The following ADGRL3 variants were observed in gnomAD, a reference collection of about 807,000 sequenced individuals.
ADGRL3 encodes adhesion G protein-coupled receptor L3.
Under a neutral mutation model 153.5 loss-of-function variants are expected in ADGRL3, and 62 were observed. The observed-to-expected ratio is 0.40, with a 90% CI of 0.33 to 0.50. ADGRL3 has a LOEUF of 0.50. ADGRL3 is among the 20% of genes least tolerant of loss of function. The pLI, the probability that ADGRL3 is intolerant of heterozygous loss-of-function variation, is 0.47. For synonymous variants in ADGRL3, 710 were observed against 672.5 expected, an observed-to-expected ratio of 1.06 and a Z score of -0.86; for missense variants, 1,641 against 1,859.4, an observed-to-expected ratio of 0.88 and a Z score of 2.16.
At chr4:61,632,336 G>T (rs1346963694) in intron 5 of ADGRL3, among the ~76,000 whole-genome samples, 4 of 152,124 alleles carry the variant, frequency 2.6e-5, no homozygotes, top group Non-Finnish European at 5.9e-5. Flanking sequence ...ATATCTTACT[G>T]AGTCTTTAAA....
chr4:61,809,748 A>G (rs1444441425), intron 8 of ADGRL3, among the ~76,000 whole-genome samples: 1 of 152,014 alleles, frequency 6.6e-6, no homozygotes, highest in African/African-American at 2.4e-5. Context: ...TGTTTTATGT[A>G]TGCCAAACAC....
intron 9 of ADGRL3, among the ~76,000 whole-genome samples, chr4:61,861,860 C>T (rs952511538): frequency 1.3e-4 from 20 of 152,050 alleles, no homozygotes; most frequent in East Asian, 2.0e-4. Flanking sequence ...CCCGCCCTAC[C>T]TGGAACTGAC....
intron 2 of ADGRL3, among the ~76,000 whole-genome samples, chr4:61,400,412 G>T (rs115162001): frequency 6.6e-6 from 1 of 151,628 alleles, no homozygotes; most frequent in African/African-American, 2.4e-5. Flanking sequence ...AAGAAGAAAA[G>T]CGATGTACTT....
intron 5 of ADGRL3, among the ~76,000 whole-genome samples, chr4:61,664,823 G>A (rs879606306): frequency 2.6e-5 from 4 of 152,118 alleles, no homozygotes; most frequent in Non-Finnish European, 5.9e-5. Flanking sequence ...GGGAACTTGA[G>A]AGAATGTTGT....
At chr4:61,633,936 A>G (rs1231504663) in intron 5 of ADGRL3, among the ~76,000 whole-genome samples, 2 of 147,442 alleles carry the variant, frequency 1.4e-5, no homozygotes. Context: ...GAGAAAGTCA[A>G]TTGGATTGTG....
chr4:61,780,731 G>C (rs534023775), intron 8 of ADGRL3, among the ~76,000 whole-genome samples: 1 of 152,172 alleles, frequency 6.6e-6, no homozygotes. Flanking sequence ...CTTTCTGACT[G>C]TGTTAATTTA....
intron 1 of ADGRL3, among the ~76,000 whole-genome samples, chr4:61,230,086 A>G (rs1749925341): frequency 6.6e-6 from 1 of 152,160 alleles, no homozygotes; most frequent in African/African-American, 2.4e-5. Flanking sequence ...TTATAGGGTC[A>G]CCCTAGCTAC....
chr4:61,275,128 A>T (rs1290685676), intron 1 of ADGRL3, among the ~76,000 whole-genome samples: 2 of 152,178 alleles, frequency 1.3e-5, no homozygotes, highest in African/African-American at 4.8e-5. Flanking sequence ...TCAACCTGCT[A>T]TACTGCCCCA....
At chr4:61,565,900 A>G (rs942429196) in intron 4 of ADGRL3, among the ~76,000 whole-genome samples, 1 of 152,174 alleles carries the variant, frequency 6.6e-6, no homozygotes, top group South Asian at 2.1e-4. Flanking sequence ...TTTCCACCCT[A>G]ATTTTCTTGG....
chr4:61,422,376 T>G (rs188749592), intron 2 of ADGRL3, among the ~76,000 whole-genome samples: 1 of 152,176 alleles, frequency 6.6e-6, no homozygotes, highest in African/African-American at 2.4e-5. Flanking sequence ...TTTCTCATCA[T>G]GTATTTTCAG....
chr4:61,381,293 T>TTGTGTG (rs55767359), intron 1 of ADGRL3, among the ~76,000 whole-genome samples: 18,596 of 141,200 alleles, frequency 0.13, 1,311 homozygotes, highest in East Asian at 0.26. Context: ...ATAAACAAGT[T>TTGTGTG]TGTGTGTGTG....
At chr4:61,236,805 T>C (rs894236023) in intron 1 of ADGRL3, among the ~76,000 whole-genome samples, 2 of 152,166 alleles carry the variant, frequency 1.3e-5, no homozygotes, top group African/African-American at 2.4e-5. Context: ...TAAAGCGAAT[T>C]AGAGCTAAGT....
intron 3 of ADGRL3, among the ~76,000 whole-genome samples, chr4:61,505,234 C>T (rs1029428682): frequency 1.3e-5 from 2 of 152,128 alleles, no homozygotes; most frequent in African/African-American, 4.8e-5. Context: ...ACCCGTTGAT[C>T]ATTTGCATAT....
chr4:61,504,906 G>A (rs913199408), intron 3 of ADGRL3, among the ~76,000 whole-genome samples: 2 of 152,060 alleles, frequency 1.3e-5, no homozygotes, highest in Non-Finnish European at 2.9e-5. Context: ...TCTGAATAGC[G>A]TTGCAATAAA....
rs551221741 is a variant in ADGRL3, at chr4:61,839,785, G to A, written c.1480+25896G>A. 2.0e-4 allele frequency among the ~76,000 whole-genome samples: 29 copies of A among 147,036 alleles called. No individual in the cohort carries two copies. The South Asian group carries it at 3.0e-3, about 15-fold the overall frequency. ...CCTGTCTCTGCCCACCCCTCCCCCC[G>A]AAAAAAAAAATTAAATTTGCTGTAC... is the stretch of plus-strand genomic sequence containing the variant. On this transcript the variant is annotated intron_variant, in intron 9 of 26. Transcript: ENST00000683033.
intron 6 of ADGRL3, among the ~76,000 whole-genome samples, chr4:61,722,055 A>T (rs557357941): frequency 6.6e-6 from 1 of 152,322 alleles, no homozygotes; most frequent in Non-Finnish European, 1.5e-5. Context: ...TATTTTATAA[A>T]TGAGAAAAAT....
chr4:61,422,175 G>A (rs1244612874), intron 2 of ADGRL3, among the ~76,000 whole-genome samples: 1 of 152,146 alleles, frequency 6.6e-6, no homozygotes, highest in Non-Finnish European at 1.5e-5. Context: ...CAGTGTTTAT[G>A]TGTTCTGACT....
chr4:61,854,262 G>T (rs938948387), intron 9 of ADGRL3, among the ~76,000 whole-genome samples: 3 of 152,146 alleles, frequency 2.0e-5, no homozygotes, highest in African/African-American at 4.8e-5. Flanking sequence ...GCACCCATGT[G>T]TTGTTTTCTA....
intron 17 of ADGRL3, among the ~76,000 whole-genome samples, chr4:61,955,087 A>G (rs566913309): frequency 7.2e-5 from 11 of 152,260 alleles, no homozygotes; most frequent in Non-Finnish European, 1.2e-4. Context: ...ATTTTGTTCT[A>G]TAGAGTAGGG....
Sources: allele counts gnomAD v4.1 joint callset (sites outside exome capture counted in the v4.1 genomes callset), GRCh38; gene constraint gnomAD v4.1.1; transcripts MANE v1.5; gene names NCBI Gene and HGNC (gene_info 2026-07-23, HGNC 2026-07-21).